The following TOX variants were observed in gnomAD, a reference collection of about 807,000 sequenced individuals.
TOX encodes the protein thymocyte selection-associated high mobility group box protein TOX.
In TOX, 11 loss-of-function variants were observed where a neutral mutation model predicts 53.7. The observed-to-expected ratio is 0.20, with a 90% CI of 0.13 to 0.34. The LOEUF is 0.34. Among genes scored for constraint, TOX ranks in the 10% least tolerant of loss-of-function variants. TOX has a pLI of 1.00. For missense variants in TOX, 570 were observed against 664.6 expected (o/e 0.86, Z 1.56); for synonymous variants, 225 against 245.3 (o/e 0.92, Z 0.77).
intron 1 of TOX, among the ~76,000 whole-genome samples, chr8:59,096,273 C>A (rs1260584029): frequency 1.3e-5 from 2 of 152,144 alleles, no homozygotes. Context: ...GTATTAGTGG[C>A]CATTTGAGGA....
chr8:59,035,044 G>A (rs574953866), intron 1 of TOX, among the ~76,000 whole-genome samples: 79 of 152,216 alleles, frequency 5.2e-4, no homozygotes, highest in African/African-American at 1.7e-3. Context: ...GTGGGCGGAA[G>A]GAAAGCCACA....
intron 1 of TOX, among the ~76,000 whole-genome samples, chr8:59,038,350 A>G (rs1302951788): frequency 2.6e-5 from 4 of 152,342 alleles, no homozygotes; most frequent in Middle Eastern, 3.4e-3. Context: ...AAGGCAGATG[A>G]CAATTAAATA....
At chr8:58,827,927 A>G (rs1810391394) in intron 5 of TOX, among the ~76,000 whole-genome samples, 2 of 152,160 alleles carry the variant, frequency 1.3e-5, no homozygotes, top group African/African-American at 4.8e-5. Flanking sequence ...GTGTAAATGG[A>G]AATGTATTTT....
intron 1 of TOX, among the ~76,000 whole-genome samples, chr8:59,034,101 T>G (rs1043056987): frequency 6.6e-6 from 1 of 152,214 alleles, no homozygotes; most frequent in African/African-American, 2.4e-5. Context: ...GGAGGCTGAC[T>G]TCTTGAAAAC....
Position 58,851,584 on chromosome 8 carries a change from C to T in TOX, c.633G>A (p.Lys211=). 1.2e-6 allele frequency: 2 copies of T among 1,613,650 alleles called. No homozygotes were observed. Among genetic ancestry groups the T allele is most frequent in the Admixed American group, 3.3e-5 (2 of 59,966 alleles). ...PHNSPSPPGS[K]SATPSPSSSV... is the part of the protein sequence containing the mutation. ...AACTGGATGGTGAAGGAGTTGCAGA[C>T]TTGCTTCCAGGTGGAGATGGTGAGT... The change falls in exon 4 of 9, where the codon AAG becomes AAA. Residue 211 remains lysine (K), a synonymous_variant. Coordinates refer to ENST00000361421, the MANE Select transcript of TOX (RefSeq NM_014729.3). The surrounding 1 kb of genome is among the most constrained non-coding windows in gnomAD (Gnocchi z 4.4).
chr8:58,954,827 C>T (rs1326794688), intron 2 of TOX, among the ~76,000 whole-genome samples: 1 of 152,096 alleles, frequency 6.6e-6, no homozygotes, highest in Non-Finnish European at 1.5e-5. Flanking sequence ...AGGGAGACTC[C>T]CCAAGTCTCT....
At chr8:59,029,791 A>G (rs148708115) in intron 1 of TOX, among the ~76,000 whole-genome samples, 67 of 152,350 alleles carry the variant, frequency 4.4e-4, no homozygotes, top group Middle Eastern at 3.4e-3. Flanking sequence ...CTGCTAAAGC[A>G]CTGTGCCAAC....
At chr8:59,076,450 T>C (rs1056974579) in intron 1 of TOX, among the ~76,000 whole-genome samples, 5 of 152,240 alleles carry the variant, frequency 3.3e-5, no homozygotes, top group Admixed American at 6.5e-5. Flanking sequence ...CTGGTGAATC[T>C]GGAGTCAAAT....
chr8:58,833,943 T>C (rs1810506472), intron 5 of TOX, among the ~76,000 whole-genome samples: 1 of 152,360 alleles, frequency 6.6e-6, no homozygotes, highest in East Asian at 1.9e-4. Context: ...TTCTCTTCTT[T>C]GAAAGATTCT....
At chr8:59,036,415 A>G (rs914212656) in intron 1 of TOX, among the ~76,000 whole-genome samples, 4 of 152,184 alleles carry the variant, frequency 2.6e-5, no homozygotes, top group Non-Finnish European at 4.4e-5. Context: ...TGTCTCACTC[A>G]ATGAGGGGAG....
chr8:59,020,885 A>G lies in TOX; in HGVS notation c.103-60877T>C, dbSNP rs1156743553. Among the ~76,000 whole-genome samples the G allele has an allele frequency of 3.3e-5, 5 of 152,140 alleles. No homozygotes were observed. In the East Asian group the frequency reaches 9.6e-4, roughly 29 times the overall value. ...AGTAATCATTCCTATGTACAAAAGAAGCTTTTCCTTTTATTAAAGGAATAG... is the reference window on the plus strand; with the variant it reads ...AGTAATCATTCCTATGTACAAAAGAGGCTTTTCCTTTTATTAAAGGAATAG... On this transcript the variant is annotated intron_variant, in intron 1 of 8. Coordinates refer to ENST00000361421, the MANE Select transcript of TOX (RefSeq NM_014729.3).
intron 3 of TOX, among the ~76,000 whole-genome samples, chr8:58,871,772 T>C (rs1262103831): frequency 6.6e-6 from 1 of 152,174 alleles, no homozygotes; most frequent in African/African-American, 2.4e-5. Context: ...TATGCAGCAA[T>C]GGACTGGAGT....
chr8:58,861,421 C>A (rs1397759423), intron 3 of TOX, among the ~76,000 whole-genome samples: 2 of 152,154 alleles, frequency 1.3e-5, no homozygotes, highest in African/African-American at 4.8e-5. Flanking sequence ...TTGTATAGAT[C>A]ATGACTTTTG....
chr8:59,012,399 G>C (rs1245974944), intron 1 of TOX, among the ~76,000 whole-genome samples: 4 of 151,938 alleles, frequency 2.6e-5, no homozygotes, highest in Admixed American at 6.6e-5. Flanking sequence ...AGGGAGTGGA[G>C]AGTTTGGGAA....
At chr8:58,833,472 T>C (rs1181510615) in intron 5 of TOX, among the ~76,000 whole-genome samples, 2 of 152,030 alleles carry the variant, frequency 1.3e-5, no homozygotes, top group African/African-American at 4.8e-5. Flanking sequence ...AATCAGAGAG[T>C]TCAGAAATAA....
chr8:58,923,527 T>G (rs1812107232), intron 3 of TOX, among the ~76,000 whole-genome samples: 1 of 152,224 alleles, frequency 6.6e-6, no homozygotes, highest in Non-Finnish European at 1.5e-5. Flanking sequence ...CACTTCTCCC[T>G]GTCATTCATT....
intron 1 of TOX, among the ~76,000 whole-genome samples, chr8:59,082,492 T>C (rs2129423251): frequency 6.6e-6 from 1 of 152,382 alleles, no homozygotes; most frequent in African/African-American, 2.4e-5. Context: ...TGGATATGAA[T>C]TTTAATTAAT....
intron 1 of TOX, among the ~76,000 whole-genome samples, chr8:59,110,669 A>G (rs138545073): frequency 6.6e-6 from 1 of 152,136 alleles, no homozygotes; most frequent in East Asian, 1.9e-4. Context: ...AACAGACAAC[A>G]GCCCTCATAA....
Position 59,081,284 on chromosome 8 carries a change from C to T in TOX, c.102+37602G>A, listed in dbSNP as rs1195951404. On this transcript the variant is annotated intron_variant, in intron 1 of 8. Coordinates refer to ENST00000361421, the MANE Select transcript of TOX (RefSeq NM_014729.3). ...TCAAGTGATCTGCCTGCCTCAGCCT[C>T]CCAAAGTGCTGGGATTACAGGAGTC... 2.0e-5 allele frequency among the ~76,000 whole-genome samples: 3 copies of T among 152,260 alleles called. No homozygotes were observed. The East Asian group carries it at 5.8e-4, about 29-fold the overall frequency.
Sources: gnomAD v4.1 joint callset for allele counts (sites outside exome capture counted in the v4.1 genomes callset) on GRCh38, gnomAD v4.1.1 for gene constraint, Gnocchi (gnomAD v3.1) non-coding constraint, MANE v1.5 for transcripts, NCBI Gene and HGNC (gene_info 2026-07-23, HGNC 2026-07-21) for gene names.